Variants in MACO1 observed in about 807,000 individuals in gnomAD.
The protein encoded by MACO1 is macoilin.
Under a neutral mutation model 78.7 loss-of-function variants are expected in MACO1, and 14 were observed. The observed-to-expected ratio is 0.18, with a 90% CI of 0.12 to 0.28. MACO1 has a LOEUF of 0.28. Among genes scored for constraint, MACO1 ranks in the 10% least tolerant of loss-of-function variants. The pLI, the probability that MACO1 is intolerant of heterozygous loss-of-function variation, is 1.00. For synonymous variants in MACO1, 288 were observed against 291.6 expected, an observed-to-expected ratio of 0.99 and a Z score of 0.12; for missense variants, 501 against 799.0, an observed-to-expected ratio of 0.63 and a Z score of 4.50.
At chr1:25,481,927 T>C (rs1185619668) in intron 6 of MACO1, among the ~76,000 whole-genome samples, 2 of 152,190 alleles carry the variant, frequency 1.3e-5, no homozygotes, top group Non-Finnish European at 2.9e-5. Flanking sequence ...CAGTGTTTTA[T>C]GATTTGGGGT....
At position 25,481,353 on chromosome 1, in the gene MACO1, A is replaced by G. The variant is rs1353898946; in HGVS notation, c.1155-2763A>G. 1.4e-4 allele frequency among the ~76,000 whole-genome samples: 21 copies of G among 152,158 alleles called. 1 individual carries two copies. Among genetic ancestry groups the G allele is most frequent in the Admixed American group, 1.4e-3 (21 of 15,276 alleles). On this transcript the variant is annotated intron_variant, in intron 6 of 10. Transcript: ENST00000374343. ...TGTCAGGCCTAGAAATCCTAGCCCA[A>G]ACTGGGAGGAACTTTAGAGTTATCA...
chr1:25,449,069 A>C, intron 3 of MACO1, 135 bp downstream of exon 3: 1 of 661,022 alleles, frequency 1.5e-6, no homozygotes, highest in Non-Finnish European at 2.1e-6. Flanking sequence ...AATAGGTTAT[A>C]ATATACCTTC....
At chr1:25,433,760 C>T (rs2042896459) in intron 1 of MACO1, among the ~76,000 whole-genome samples, 1 of 152,204 alleles carries the variant, frequency 6.6e-6, no homozygotes, top group Non-Finnish European at 1.5e-5. Context: ...GTTCTCCCAC[C>T]TTCAAATGAG....
At chr1:25,476,126 G>A (rs1283377247) in intron 6 of MACO1, among the ~76,000 whole-genome samples, 1 of 152,156 alleles carries the variant, frequency 6.6e-6, no homozygotes, top group Non-Finnish European at 1.5e-5. Context: ...TTACTAAAAT[G>A]ACTAGTTCTT....
At chr1:25,465,990 A>G (rs899918038) in intron 6 of MACO1, among the ~76,000 whole-genome samples, 1 of 152,030 alleles carries the variant, frequency 6.6e-6, no homozygotes, top group Non-Finnish European at 1.5e-5. Flanking sequence ...TGTATACCAC[A>G]TTTTCTTTAT....
intron 6 of MACO1, among the ~76,000 whole-genome samples, chr1:25,473,010 T>G (rs2043287631): frequency 6.6e-6 from 1 of 152,146 alleles, no homozygotes; most frequent in Non-Finnish European, 1.5e-5. Flanking sequence ...AATTATCAAG[T>G]GGGAAAAAAT....
In MACO1 at chr1:25,485,939, G is replaced by T. The variant is rs528608929; in HGVS notation, c.1496+144G>T. 7.4e-5 allele frequency: 64 copies of T among 868,846 alleles called. No homozygotes were observed. In the African/African-American group the frequency reaches 9.6e-4, roughly 13 times the overall value. The allele number at this position is 868,846 out of a possible 1,614,324, so 53.8% of individuals were successfully genotyped here. On this transcript the variant is annotated intron_variant, in intron 8 of 10. Transcript: ENST00000374343. The surrounding 1 kb of genome is among the most constrained non-coding windows in gnomAD (Gnocchi z 4.3). ...CTTTTAAGTACTGTTTTATTAACTG[G>T]TTTAAACTCCATGTGTGCAAGCTTG...
intron 6 of MACO1, among the ~76,000 whole-genome samples, chr1:25,475,346 AAAAC>A (rs530554524): frequency 7.2e-5 from 11 of 152,286 alleles, no homozygotes; most frequent in South Asian, 4.1e-4. Context: ...CTCGGTCTCA[AAAAC>A]AAACAAACAA....
At chr1:25,448,784 A>G (rs1553164145) in intron 2 of MACO1, 24 bp from the exon 3 acceptor site, 1 of 1,501,908 alleles carries the variant, frequency 6.7e-7, no homozygotes, top group South Asian at 1.4e-5. Context: ...TGTATCTTTT[A>G]TTTTGTTTTA....
At chr1:25,467,566 G>A (rs2043230552) in intron 6 of MACO1, among the ~76,000 whole-genome samples, 1 of 152,004 alleles carries the variant, frequency 6.6e-6, no homozygotes, top group Non-Finnish European at 1.5e-5. Context: ...TGCCTTTTTT[G>A]TTAAGACAGA....
At chr1:25,460,855 T>C (rs1228712175) in intron 6 of MACO1, among the ~76,000 whole-genome samples, 1 of 152,138 alleles carries the variant, frequency 6.6e-6, no homozygotes, top group Non-Finnish European at 1.5e-5. Context: ...TCCCAGGTAT[T>C]ACTCTGTTTT....
chr1:25,458,481 C>T lies in MACO1; in HGVS notation c.743C>T (p.Pro248Leu). The T allele has an allele frequency of 6.2e-7, 1 of 1,613,634 alleles. No homozygotes were observed. Among genetic ancestry groups the T allele is most frequent in the East Asian group, 2.2e-5 (1 of 44,844 alleles). ...PANKKLSTTL[P>L]EIEYREKGKE... ...AACAAAAAACTCTCCACAACTTTGC[C>T]AGAGATAGAATACCGAGAAAAAGGG... is the stretch of plus-strand genomic sequence containing the variant. Residue 248 changes from proline to leucine, a missense_variant, in exon 6 of 11, where the codon CCA (proline) becomes CTA (leucine). Physicochemically the swap from Pro to Leu is moderately conservative, Grantham distance 98. This residue lies in a region of MACO1 where 90 missense variants were observed against 85.7 expected (regional missense o/e 1.05). Transcript: ENST00000374343.
At chr1:25,449,971 A>G (rs1007315026) in intron 3 of MACO1, among the ~76,000 whole-genome samples, 1 of 152,244 alleles carries the variant, frequency 6.6e-6, no homozygotes, top group Non-Finnish European at 1.5e-5. Context: ...GTGAGCTGAG[A>G]CTGCGCCACT....
chr1:25,473,605 G>C (rs1287601115), intron 6 of MACO1, among the ~76,000 whole-genome samples: 1 of 152,200 alleles, frequency 6.6e-6, no homozygotes, highest in African/African-American at 2.4e-5. Context: ...ACTTTGAAAG[G>C]CTTTGTGTTA....
At chr1:25,455,778 GTGTT>G (rs1023419614) in intron 4 of MACO1, among the ~76,000 whole-genome samples, 5 of 152,202 alleles carry the variant, frequency 3.3e-5, no homozygotes, top group Non-Finnish European at 5.9e-5. Context: ...ATATGACAGA[GTGTT>G]TGTGAACCAA....
intron 3 of MACO1, among the ~76,000 whole-genome samples, chr1:25,451,864 C>A (rs2043069358): frequency 6.6e-6 from 1 of 151,218 alleles, no homozygotes; most frequent in Non-Finnish European, 1.5e-5. Context: ...TGAGATTGCA[C>A]CTGTACTTCA....
In MACO1 at chr1:25,498,511, A is replaced by G. The variant is rs1246340316; in HGVS notation, c.*45A>G. 3 of 1,516,026 alleles carry G rather than the reference A, an allele frequency of 2.0e-6. No homozygotes were observed. The Admixed American group carries it at 6.4e-5, about 32-fold the overall frequency. The allele number at this position is 1,516,026 out of a possible 1,614,324, so 93.9% of individuals were successfully genotyped here. On this transcript the variant is annotated 3_prime_UTR_variant, in exon 11 of 11. Transcript: ENST00000374343. ...CCCAAAAATTTGGTTACCGGAAGGCATTGCAAAGGAGCGTCTCTGGCAGTC... is the reference window on the plus strand; with the variant it reads ...CCCAAAAATTTGGTTACCGGAAGGCGTTGCAAAGGAGCGTCTCTGGCAGTC...
In MACO1 at chr1:25,479,220, C is replaced by T. The variant is rs561265259; in HGVS notation, c.1155-4896C>T. On this transcript the variant is annotated intron_variant, in intron 6 of 10. Transcript: ENST00000374343. Reference sequence around the variant, plus strand: ...CATATTAATACATTTGGCGATTTTGCATTAACCTTTTAACACCACTTAATA... The same window carrying T: ...CATATTAATACATTTGGCGATTTTGTATTAACCTTTTAACACCACTTAATA... Among the ~76,000 whole-genome samples the T allele has an allele frequency of 2.0e-5, 3 of 152,224 alleles. No homozygotes were observed. In the South Asian group the frequency reaches 6.2e-4, roughly 32 times the overall value.
intron 1 of MACO1, among the ~76,000 whole-genome samples, chr1:25,431,501 G>C (rs2124563003): frequency 6.6e-6 from 1 of 151,558 alleles, no homozygotes; most frequent in East Asian, 2.0e-4. Context: ...TCAGCATCCC[G>C]GCCATGCCGC....
Sources: allele counts gnomAD v4.1 joint callset (sites outside exome capture counted in the v4.1 genomes callset), GRCh38; gene constraint gnomAD v4.1.1; regional missense constraint gnomAD v4.1.1; non-coding constraint Gnocchi (gnomAD v3.1); transcripts MANE v1.5; gene names NCBI Gene and HGNC (gene_info 2026-07-23, HGNC 2026-07-21).